The following ZNF532 variants were observed in gnomAD, a reference collection of about 807,000 sequenced individuals.
ZNF532 encodes zinc finger protein 532.
ZNF532 carries 22 observed loss-of-function variants against 89.3 expected under a neutral mutation model. The ratio of observed to expected loss-of-function variants is 0.25; its 90% CI spans 0.18 to 0.35. The LOEUF is 0.35. Ranked by LOEUF, ZNF532 falls within the 10% of genes least tolerant of loss-of-function variation. The pLI is 1.00. For synonymous variants in ZNF532, 606 were observed against 649.6 expected, an observed-to-expected ratio of 0.93 and a Z score of 1.02; for missense variants, 1,132 against 1,643.4, an observed-to-expected ratio of 0.69 and a Z score of 5.38.
chr18:58,986,214 C>T lies in ZNF532; in HGVS notation c.*1748C>T, dbSNP rs939407086. On this transcript the variant is annotated 3_prime_UTR_variant, in exon 10 of 10. Transcript: ENST00000591808. ...TGTTTGTATTGCTCTAAGTTGTATT[C>T]ATAATAGCACTTTCATATGTTTCTG... 1.1e-4 allele frequency: 17 copies of T among 152,604 alleles called. No homozygotes were observed. The highest frequency in any genetic ancestry group is 4.1e-4 in the African/African-American group (17 of 41,448). The allele number at this position is 152,604 out of a possible 1,614,324, so 9.5% of individuals were successfully genotyped here.
At chr18:58,935,992 G>A (rs1329748352) in intron 4 of ZNF532, among the ~76,000 whole-genome samples, 7 of 152,136 alleles carry the variant, frequency 4.6e-5, no homozygotes, top group Admixed American at 3.9e-4. Context: ...TAAGCTATGA[G>A]ACTTAACTTC....
At chr18:58,886,634 T>C (rs960054461) in intron 2 of ZNF532, among the ~76,000 whole-genome samples, 1 of 152,242 alleles carries the variant, frequency 6.6e-6, no homozygotes, top group Non-Finnish European at 1.5e-5. Flanking sequence ...CATAATCGTT[T>C]ATGTACCATT....
intron 7 of ZNF532, among the ~76,000 whole-genome samples, chr18:58,954,969 C>A (rs2064617110): frequency 6.6e-6 from 1 of 152,130 alleles, no homozygotes; most frequent in Non-Finnish European, 1.5e-5. Context: ...CCCACTTTGG[C>A]CTCCCAAAGT....
chr18:58,945,009 G>C (rs1301111938), intron 5 of ZNF532, among the ~76,000 whole-genome samples: 1 of 152,128 alleles, frequency 6.6e-6, no homozygotes, highest in Non-Finnish European at 1.5e-5. Flanking sequence ...AGTCATTGTT[G>C]ATTACAATAC....
Position 58,901,052 on chromosome 18 carries a change from A to T in ZNF532, c.-17-17219A>T, listed in dbSNP as rs149276795. Among the ~76,000 whole-genome samples, 775 of 152,338 alleles carry T rather than the reference A, an allele frequency of 5.1e-3. 6 individuals carry two copies. The highest frequency in any genetic ancestry group is 0.018 in the African/African-American group (751 of 41,566). ...CAGTCCTTGCCATGTATAAAATATT[A>T]AAATTCAAAAACCATCTGCCTGTTT... is the stretch of plus-strand genomic sequence containing the variant. On this transcript the variant is annotated intron_variant, in intron 2 of 9. Coordinates refer to ENST00000591808, the MANE Select transcript of ZNF532 (RefSeq NM_001375912.1).
At chr18:58,942,858 A>G (rs989074975) in intron 5 of ZNF532, among the ~76,000 whole-genome samples, 9 of 152,266 alleles carry the variant, frequency 5.9e-5, no homozygotes, top group Non-Finnish European at 7.3e-5. Context: ...ACATAAATGT[A>G]TGCAAATGAT....
At chr18:58,942,240 T>C (rs770673336) in intron 5 of ZNF532, among the ~76,000 whole-genome samples, 3 of 150,690 alleles carry the variant, frequency 2.0e-5, no homozygotes, top group Non-Finnish European at 3.0e-5. Context: ...GCCAGGATGG[T>C]CTCGAACTCC....
At chr18:58,888,789 TATATATAATTTATATATATAAAAAA>T (rs1568246710) in intron 2 of ZNF532, among the ~76,000 whole-genome samples, 1 of 49,476 alleles carries the variant, frequency 2.0e-5, no homozygotes, top group Non-Finnish European at 3.1e-5. Flanking sequence ...ATATATAAAA[TATATATAATTTATATATATAAAAAA>T]TTATATATAT....
At chr18:58,884,206 C>G (rs1233474137) in intron 2 of ZNF532, among the ~76,000 whole-genome samples, 2 of 152,368 alleles carry the variant, frequency 1.3e-5, no homozygotes, top group Admixed American at 1.3e-4. Flanking sequence ...TGGTGAAACC[C>G]TGTCTCTACT....
chr18:58,928,133 T>A (rs2061674926), intron 3 of ZNF532, among the ~76,000 whole-genome samples: 1 of 152,204 alleles, frequency 6.6e-6, no homozygotes, highest in Admixed American at 6.5e-5. Context: ...ACAGAGCCTG[T>A]CTCAGTTTCC....
At chr18:58,959,799 GT>G (rs2065172233) in intron 7 of ZNF532, among the ~76,000 whole-genome samples, 1 of 152,058 alleles carries the variant, frequency 6.6e-6, no homozygotes, top group African/African-American at 2.4e-5. Context: ...CATAATAGAT[GT>G]TTTTCTCTCT....
At chr18:58,956,567 A>C (rs1162143542) in intron 7 of ZNF532, among the ~76,000 whole-genome samples, 1 of 152,088 alleles carries the variant, frequency 6.6e-6, no homozygotes, top group African/African-American at 2.4e-5. Context: ...TACTTAAGTC[A>C]CCCAAACTTC....
intron 2 of ZNF532, among the ~76,000 whole-genome samples, chr18:58,908,773 A>G (rs962390984): frequency 3.3e-5 from 5 of 152,220 alleles, no homozygotes; most frequent in Admixed American, 1.3e-4. Context: ...GACTACTGAC[A>G]TCCGTGTTTT....
At chr18:58,863,443 C>A, upstream of ZNF532, 1 of 16,182 alleles carries the variant, frequency 6.2e-5, no homozygotes, top group South Asian at 7.8e-4. Context: ...GCTCCCTTCC[C>A]CCACCGGCCG....
intron 5 of ZNF532, among the ~76,000 whole-genome samples, chr18:58,943,229 T>C (rs1054978968): frequency 1.3e-5 from 2 of 148,786 alleles, no homozygotes; most frequent in African/African-American, 5.0e-5. Flanking sequence ...GCGCGATCTC[T>C]GCTCACTGCA....
chr18:58,888,926 T>C (rs1191963507), intron 2 of ZNF532, among the ~76,000 whole-genome samples: 1 of 106,566 alleles, frequency 9.4e-6, no homozygotes, highest in Non-Finnish European at 1.8e-5. Flanking sequence ...TCATACAGGC[T>C]GAGTATCCCT....
chr18:58,976,042 G>A (rs1030952805), intron 7 of ZNF532, among the ~76,000 whole-genome samples: 4 of 152,140 alleles, frequency 2.6e-5, no homozygotes, highest in Admixed American at 6.5e-5. Flanking sequence ...CAGAAGTTAC[G>A]AAAATAAATT....
chr18:58,942,886 A>G (rs534846699), intron 5 of ZNF532, among the ~76,000 whole-genome samples: 30 of 152,222 alleles, frequency 2.0e-4, no homozygotes, highest in Non-Finnish European at 2.9e-4. Flanking sequence ...ACTTTTTTAA[A>G]TGATCAGTGT....
chr18:58,872,695 T>C lies in ZNF532; in HGVS notation c.-18+7116T>C, dbSNP rs554748869. The stretch of plus-strand genomic sequence containing the variant: ...TACCTTCTCTCTGCCTTCCAACATT[T>C]ATCTTTTTTTTTTTTTTTTTTTGAG... On this transcript the variant is annotated intron_variant, in intron 2 of 9. Coordinates refer to ENST00000591808, the MANE Select transcript of ZNF532 (RefSeq NM_001375912.1). 1.4e-4 allele frequency among the ~76,000 whole-genome samples: 19 copies of C among 132,272 alleles called. No individual in the cohort carries two copies. In the South Asian group the frequency reaches 5.1e-3, roughly 36 times the overall value. The allele number at this position is 132,272 out of a possible 152,430, so 86.8% of individuals were successfully genotyped here. A position where few individuals can be genotyped will look rare whatever the true frequency, so the allele number is the denominator to read the frequency against.
Sources: gnomAD v4.1 joint callset for allele counts (sites outside exome capture counted in the v4.1 genomes callset) on GRCh38, gnomAD v4.1.1 for gene constraint, MANE v1.5 for transcripts, NCBI Gene and HGNC (gene_info 2026-07-23, HGNC 2026-07-21) for gene names.